VPS13C: variants seen among roughly 807,000 people sequenced by gnomAD.
The protein encoded by VPS13C is vacuolar protein sorting 13 homolog C, also known as intermembrane lipid transfer protein VPS13C.
In VPS13C, 358 loss-of-function variants were observed where a neutral mutation model predicts 456.8. That is an observed-to-expected ratio of 0.78 (90% CI 0.72 to 0.86). VPS13C has a LOEUF of 0.86. Ranked by LOEUF, VPS13C falls within the 40% of genes least tolerant of loss-of-function variation. VPS13C has a pLI of 0.00. For synonymous variants in VPS13C, 1,578 were observed against 1,486.7 expected (o/e 1.06, Z -1.41); for missense variants, 4,818 against 4,385.4 (o/e 1.10, Z -2.79).
chr15:62,015,389 T>A (rs999937296), intron 9 of VPS13C, among the ~76,000 whole-genome samples: 8 of 152,188 alleles, frequency 5.3e-5, no homozygotes, highest in Non-Finnish European at 1.0e-4. Flanking sequence ...TTGGCTTTTG[T>A]TGCCATTGCT....
At chr15:62,052,715 T>C (rs2048665870) in intron 1 of VPS13C, among the ~76,000 whole-genome samples, 2 of 149,846 alleles carry the variant, frequency 1.3e-5, no homozygotes, top group African/African-American at 4.9e-5. Flanking sequence ...GAAAATATTA[T>C]AGCTATTCAT....
intron 22 of VPS13C, 78 bp downstream of exon 22, chr15:61,981,264 A>C: frequency 1.4e-6 from 2 of 1,457,590 alleles, no homozygotes; most frequent in Non-Finnish European, 1.8e-6. Flanking sequence ...ACTCTGAAGA[A>C]AAAAACAGCA....
At position 61,959,561 on chromosome 15, in the gene VPS13C, T is replaced by C. The variant is rs1284310610; in HGVS notation, c.3943A>G (p.Ile1315Val). The C allele has an allele frequency of 2.5e-6, 4 of 1,613,150 alleles. No homozygotes were observed. Among genetic ancestry groups the C allele is most frequent in the Admixed American group, 1.7e-5 (1 of 59,960 alleles). Reference protein sequence around the residue: ...VIQPGIYHPDIQLLHPINLEF... With the variant: ...VIQPGIYHPDVQLLHPINLEF... ...AAGTTAATTGGGTGCAACAGCTGAA[T>C]ATCAGGATGGTAGATGCCTGGCTGG... The change falls in exon 36 of 85, where the codon ATT becomes GTT. Residue 1315 changes from isoleucine to valine, a missense_variant. Ile to Val is a conservative substitution (Grantham distance 29). Around this residue, in one of 3 missense-constraint regions of VPS13C, gnomAD observed 4,552 missense variants for 4,130.6 expected, o/e 1.10. Transcript: ENST00000644861.
At position 61,929,773 on chromosome 15, in the gene VPS13C, A is replaced by T. The variant is rs767308045; in HGVS notation, c.6039-25T>A. 4.4e-6 allele frequency: 7 copies of T among 1,587,540 alleles called. No homozygotes were observed. The African/African-American group carries it at 8.1e-5, about 18-fold the overall frequency. On this transcript the variant is annotated intron_variant, in intron 50 of 84. Transcript: ENST00000644861. ...TCTGAAAAAAAACATGCTATTCATT[A>T]TTTTATTCTTGCTAAAACAATAAAA... is the stretch of plus-strand genomic sequence containing the variant.
At position 62,016,146 on chromosome 15, in the gene VPS13C, C is replaced by A. The variant is rs77362347; in HGVS notation, c.685-2154G>T. 2.6e-5 allele frequency among the ~76,000 whole-genome samples: 4 copies of A among 151,554 alleles called. No individual in the cohort carries two copies. The East Asian group carries it at 7.8e-4, about 29-fold the overall frequency. ...TGTCCTTCTTTTTCTGTTTCTCTGCCAGTCTACCACCCTACCATTCTTCTT... is the reference window on the plus strand; with the variant it reads ...TGTCCTTCTTTTTCTGTTTCTCTGCAAGTCTACCACCCTACCATTCTTCTT... On this transcript the variant is annotated intron_variant, in intron 9 of 84. Coordinates refer to ENST00000644861, the MANE Select transcript of VPS13C (RefSeq NM_020821.3).
chr15:61,904,543 T>C (rs1016137426), intron 66 of VPS13C, among the ~76,000 whole-genome samples: 2 of 149,584 alleles, frequency 1.3e-5, no homozygotes, highest in African/African-American at 2.4e-5. Context: ...TTGCACAGTG[T>C]TGATGGGAAT....
chr15:62,011,801 A>C, intron 12 of VPS13C, among the ~76,000 whole-genome samples: 1 of 152,058 alleles, frequency 6.6e-6, no homozygotes, highest in African/African-American at 2.4e-5. Flanking sequence ...AAAAAGAAAG[A>C]AAATCTAAAT....
In VPS13C at chr15:61,958,603, C is replaced by T; in HGVS notation, c.4165+5G>A. Reference sequence around the variant, plus strand: ...GTATATTGCCACTTACTGTCAGCCTCTTACCTGTCTCTTGTACTCTTGGTT... The same window carrying T: ...GTATATTGCCACTTACTGTCAGCCTTTTACCTGTCTCTTGTACTCTTGGTT... On this transcript the variant is annotated splice_donor_5th_base_variant and intron_variant, in intron 37 of 84. Transcript: ENST00000644861. 1 of 1,526,618 alleles carries T rather than the reference C, an allele frequency of 6.6e-7. No homozygotes were observed. Among genetic ancestry groups the T allele is most frequent in the Non-Finnish European group, 8.9e-7 (1 of 1,123,540 alleles). 94.6% of individuals were successfully genotyped at this position (1,526,618 alleles called of 1,614,324 possible).
At chr15:62,054,648 T>C (rs1199229345) in intron 1 of VPS13C, among the ~76,000 whole-genome samples, 1 of 151,812 alleles carries the variant, frequency 6.6e-6, no homozygotes, top group Admixed American at 6.6e-5. Context: ...GACAGGTTGA[T>C]AGGTGCAGCA....
intron 67 of VPS13C, among the ~76,000 whole-genome samples, chr15:61,888,560 G>C (rs1287410962): frequency 6.6e-6 from 1 of 152,000 alleles, no homozygotes; most frequent in African/African-American, 2.4e-5. Context: ...AGAAACAAAG[G>C]AACCTTAAAA....
chr15:61,972,792 T>G, intron 26 of VPS13C, 28 bp from the exon 27 acceptor site: 1 of 1,586,122 alleles, frequency 6.3e-7, no homozygotes, highest in Non-Finnish European at 8.6e-7. Flanking sequence ...TTATTTGATC[T>G]GAGACAATGT....
At chr15:61,922,865 T>A (rs975066750) in intron 53 of VPS13C, 103 bp from the exon 54 acceptor site, 4 of 921,582 alleles carry the variant, frequency 4.3e-6, no homozygotes, top group Non-Finnish European at 5.8e-6. Flanking sequence ...TAAGTGACAT[T>A]TTTAAATTAA....
chr15:61,981,874 G>T (rs149174557), intron 21 of VPS13C, among the ~76,000 whole-genome samples: 1,577 of 150,032 alleles, frequency 0.011, 31 homozygotes, highest in African/African-American at 0.036. Context: ...AAAAATAAAA[G>T]AAAATAAAAA....
rs1255193533 is a variant in VPS13C at position 61,890,697 on chromosome 15, A to G, written c.9106-297T>C. On this transcript the variant is annotated intron_variant, in intron 66 of 84. Transcript: ENST00000644861. ...AGGATCCTTTGGTGGCACCAATGCA[A>G]TAAGATGATTCTTTGTCTCCAAGCC... Among the ~76,000 whole-genome samples the G allele has an allele frequency of 2.0e-5, 3 of 152,322 alleles. No individual in the cohort carries two copies. The East Asian group carries it at 5.8e-4, about 29-fold the overall frequency.
intron 3 of VPS13C, 45 bp downstream of exon 3, chr15:62,041,279 A>C (rs1425901595): frequency 2.6e-6 from 4 of 1,568,214 alleles, no homozygotes; most frequent in Non-Finnish European, 3.4e-6. Context: ...CAAAATAGAA[A>C]ACAATAGGAC....
chr15:61,895,412 A>C (rs2042777269), intron 66 of VPS13C, among the ~76,000 whole-genome samples: 1 of 152,168 alleles, frequency 6.6e-6, no homozygotes, highest in African/African-American at 2.4e-5. Context: ...GATCAATGAA[A>C]CAAAAAGTTT....
intron 27 of VPS13C, among the ~76,000 whole-genome samples, chr15:61,970,495 T>A (rs181200564): frequency 6.6e-6 from 1 of 152,264 alleles, no homozygotes; most frequent in East Asian, 1.9e-4. Context: ...GGTAACACTT[T>A]AAAAATACTT....
intron 82 of VPS13C, among the ~76,000 whole-genome samples, 188 bp downstream of exon 82, chr15:61,863,252 G>T (rs1486804170): frequency 6.6e-6 from 1 of 152,064 alleles, no homozygotes; most frequent in Non-Finnish European, 1.5e-5. Flanking sequence ...AGATGAGGAG[G>T]TCGGAAAAGA....
In VPS13C at chr15:61,854,328, C is replaced by G; in HGVS notation, c.*129G>C. On this transcript the variant is annotated 3_prime_UTR_variant, in exon 85 of 85. Transcript: ENST00000644861. ...GGTGAAAAAACTAGAAAACCCAATA[C>G]TAGCTATTCCAGAAAACTAAAACTA... 2 of 865,752 alleles carry G rather than the reference C, an allele frequency of 2.3e-6. No homozygotes were observed. The highest frequency in any genetic ancestry group is 3.8e-6 in the Non-Finnish European group (2 of 521,232). The allele number at this position is 865,752 out of a possible 1,614,324, so 53.6% of individuals were successfully genotyped here.
Sources: allele counts gnomAD v4.1 joint callset (sites outside exome capture counted in the v4.1 genomes callset), GRCh38; gene constraint gnomAD v4.1.1; regional missense constraint gnomAD v4.1.1; transcripts MANE v1.5; gene names NCBI Gene and HGNC (gene_info 2026-07-23, HGNC 2026-07-21).